The following TASP1 variants were observed in gnomAD, a reference collection of about 807,000 sequenced individuals.
The protein encoded by TASP1 is taspase 1, also known as threonine aspartase 1.
TASP1 carries 16 observed loss-of-function variants against 56.6 expected under a neutral mutation model. The observed-to-expected ratio is 0.28, with a 90% CI of 0.19 to 0.43. The LOEUF (loss-of-function observed/expected upper bound fraction) is 0.43, where lower values mean the gene tolerates loss of function less well. Ranked by LOEUF, TASP1 falls within the 20% of genes least tolerant of loss-of-function variation. The pLI is 1.00. For synonymous variants in TASP1, 179 were observed against 184.2 expected (o/e 0.97, Z 0.23); for missense variants, 393 against 511.6 (o/e 0.77, Z 2.24).
intron 10 of TASP1, among the ~76,000 whole-genome samples, chr20:13,525,730 G>A (rs1053127680): frequency 3.3e-5 from 5 of 152,110 alleles, no homozygotes; most frequent in Non-Finnish European, 7.4e-5. Context: ...ACCCAACTCT[G>A]CCATGTGTTT....
intron 4 of TASP1, among the ~76,000 whole-genome samples, chr20:13,593,436 G>A (rs1168091756): frequency 6.6e-6 from 1 of 152,190 alleles, no homozygotes; most frequent in Non-Finnish European, 1.5e-5. Flanking sequence ...AGGGGTCGGA[G>A]GATTTCCCTT....
At chr20:13,330,792 T>C in the TASP1 span, among the ~76,000 whole-genome samples, 2 of 152,212 alleles carry the variant, frequency 1.3e-5, no homozygotes, top group Admixed American at 6.5e-5. Context: ...GTAGAATTTA[T>C]ATGCACTGAG....
chr20:13,249,101 G>A, the TASP1 span, among the ~76,000 whole-genome samples: 1 of 152,190 alleles, frequency 6.6e-6, no homozygotes, highest in African/African-American at 2.4e-5. Context: ...ATTACTCATT[G>A]TTGGGTGGAA....
At chr20:13,259,486 A>C in the TASP1 span, among the ~76,000 whole-genome samples, 1 of 152,202 alleles carries the variant, frequency 6.6e-6, no homozygotes, top group African/African-American at 2.4e-5. Flanking sequence ...ATCTCATACA[A>C]ATAAAGAAAA....
chr20:13,148,319 C>T, the TASP1 span, among the ~76,000 whole-genome samples: 1 of 152,168 alleles, frequency 6.6e-6, no homozygotes, highest in Non-Finnish European at 1.5e-5. Context: ...TTAACCTAGC[C>T]TGTCTCTCAA....
At chr20:13,142,809 G>A in the TASP1 span, among the ~76,000 whole-genome samples, 1 of 152,118 alleles carries the variant, frequency 6.6e-6, no homozygotes, top group Non-Finnish European at 1.5e-5. Context: ...GGCTGTCAAT[G>A]GGAACACTCT....
chr20:13,283,684 G>A, the TASP1 span, among the ~76,000 whole-genome samples: 2 of 150,918 alleles, frequency 1.3e-5, no homozygotes, highest in Middle Eastern at 3.2e-3. Flanking sequence ...AGGGCAAAGG[G>A]AGAGTTCCAA....
intron 4 of TASP1, among the ~76,000 whole-genome samples, chr20:13,593,810 A>G (rs1252450044): frequency 2.0e-5 from 3 of 152,350 alleles, no homozygotes; most frequent in Middle Eastern, 3.4e-3. Flanking sequence ...ACTTCTGCAG[A>G]CTTAAACGTC....
intron 4 of TASP1, among the ~76,000 whole-genome samples, chr20:13,612,872 G>T (rs756404890): frequency 5.9e-5 from 9 of 152,134 alleles, no homozygotes; most frequent in Non-Finnish European, 1.2e-4. Flanking sequence ...CCCTGCCCAA[G>T]AAATTAAAAT....
At chr20:13,286,598 G>A in the TASP1 span, among the ~76,000 whole-genome samples, 2 of 152,202 alleles carry the variant, frequency 1.3e-5, no homozygotes, top group African/African-American at 4.8e-5. Context: ...GGGCAGATAA[G>A]ATGGGAGCAA....
the TASP1 span, among the ~76,000 whole-genome samples, chr20:13,126,104 TAGA>T: frequency 6.6e-6 from 1 of 152,192 alleles, no homozygotes; most frequent in African/African-American, 2.4e-5. Context: ...CTACTTCAGC[TAGA>T]AGGACCCTCT....
the TASP1 span, among the ~76,000 whole-genome samples, chr20:13,309,776 A>T: frequency 6.6e-6 from 1 of 152,326 alleles, no homozygotes; most frequent in East Asian, 1.9e-4. Flanking sequence ...AACATAAAAA[A>T]ATCAGCAATG....
At chr20:13,432,854 A>C (rs1419730832) in intron 12 of TASP1, among the ~76,000 whole-genome samples, 1 of 152,210 alleles carries the variant, frequency 6.6e-6, no homozygotes, top group Admixed American at 6.5e-5. Context: ...CAAATGGGTA[A>C]GAGTCCAGGC....
chr20:13,221,746 G>A, the TASP1 span: 3 of 1,368,246 alleles, frequency 2.2e-6, no homozygotes, highest in Non-Finnish European at 1.9e-6. Flanking sequence ...CGGCCGCCGC[G>A]CCGGGTCCTA....
At chr20:13,358,247 A>G in the TASP1 span, among the ~76,000 whole-genome samples, 1 of 152,162 alleles carries the variant, frequency 6.6e-6, no homozygotes, top group African/African-American at 2.4e-5. Flanking sequence ...TTTCGGACTC[A>G]GCCCGCCTGC....
chr20:13,340,853 A>AT, the TASP1 span, among the ~76,000 whole-genome samples: 1 of 152,234 alleles, frequency 6.6e-6, no homozygotes, highest in Non-Finnish European at 1.5e-5. Context: ...TTATATTCTC[A>AT]TGGCACCTTA....
At chr20:13,587,727 C>CAAA (rs143107769) in intron 4 of TASP1, among the ~76,000 whole-genome samples, 70 of 145,608 alleles carry the variant, frequency 4.8e-4, no homozygotes, top group African/African-American at 1.7e-3. Flanking sequence ...ATGATTGTAT[C>CAAA]AAAAAAAAAA....
intron 11 of TASP1, among the ~76,000 whole-genome samples, chr20:13,460,271 C>G (rs1196581383): frequency 6.6e-6 from 1 of 152,178 alleles, no homozygotes; most frequent in Non-Finnish European, 1.5e-5. Flanking sequence ...ACTTACTTCA[C>G]TTGACTTTCA....
chr20:13,485,184 TGCCCTCTTCA>T (rs1232065009), intron 10 of TASP1, among the ~76,000 whole-genome samples: 2 of 151,984 alleles, frequency 1.3e-5, no homozygotes, highest in Non-Finnish European at 2.9e-5. Flanking sequence ...AGGAAAAAAA[TGCCCTCTTCA>T]ACCAGAAACA....
Sources: allele counts gnomAD v4.1 joint callset (sites outside exome capture counted in the v4.1 genomes callset), GRCh38; gene constraint gnomAD v4.1.1; transcripts MANE v1.5; gene names NCBI Gene and HGNC (gene_info 2026-07-23, HGNC 2026-07-21).